The following PIK3C3 variants were observed in gnomAD, a reference collection of about 807,000 sequenced individuals.
The protein encoded by PIK3C3 is PI3-kinase type 3.
Under a neutral mutation model 126.1 loss-of-function variants are expected in PIK3C3, and 95 were observed. The ratio of observed to expected loss-of-function variants is 0.75; its 90% CI spans 0.64 to 0.89. The LOEUF is 0.89. Ranked by LOEUF, PIK3C3 falls within the 40% of genes least tolerant of loss-of-function variation. The pLI is 0.00. For missense variants in PIK3C3, 829 were observed against 1,063.2 expected (o/e 0.78, Z 3.06); for synonymous variants, 374 against 360.0 (o/e 1.04, Z -0.44).
In PIK3C3 at chr18:41,955,269, G is replaced by GT; in HGVS notation, c.-22dup. On this transcript the variant is annotated 5_prime_UTR_variant, in exon 1 of 25. Coordinates refer to ENST00000262039, the MANE Select transcript of PIK3C3 (RefSeq NM_002647.4). ...TCCTGTACCTAAGTTCCCGCTGTAGGTGGTACCTTTGCAGACGGTGCGATG... is the reference window on the plus strand; with the variant it reads ...TCCTGTACCTAAGTTCCCGCTGTAGGTTGGTACCTTTGCAGACGGTGCGATG... 1 of 1,605,970 alleles carries GT rather than the reference G, an allele frequency of 6.2e-7. No homozygotes were observed. Among genetic ancestry groups the GT allele is most frequent in the Non-Finnish European group, 8.5e-7 (1 of 1,174,016 alleles).
At chr18:42,071,391 C>T (rs1431727069) in intron 24 of PIK3C3, among the ~76,000 whole-genome samples, 1 of 152,060 alleles carries the variant, frequency 6.6e-6, no homozygotes, top group Admixed American at 6.6e-5. Flanking sequence ...TTAGTGTTAT[C>T]CCTATTTTAT....
At chr18:42,031,819 G>T (rs1983842812) in intron 15 of PIK3C3, among the ~76,000 whole-genome samples, 1 of 152,132 alleles carries the variant, frequency 6.6e-6, no homozygotes. Flanking sequence ...ACTCATTTAT[G>T]TGTTCTACAA....
intron 4 of PIK3C3, among the ~76,000 whole-genome samples, chr18:41,981,866 C>T (rs2144334804): frequency 6.6e-6 from 1 of 150,494 alleles, no homozygotes; most frequent in East Asian, 2.0e-4. Context: ...ATCCCAGCTA[C>T]TCGGGAGGCT....
At chr18:42,049,639 G>A (rs1598932205) in intron 21 of PIK3C3, 34 bp downstream of exon 21, 1 of 1,459,124 alleles carries the variant, frequency 6.9e-7, no homozygotes, top group Non-Finnish European at 9.6e-7. Flanking sequence ...GACATACATT[G>A]TATATGCCCA....
At chr18:42,006,982 G>A (rs1056659480) in intron 10 of PIK3C3, among the ~76,000 whole-genome samples, 2 of 149,052 alleles carry the variant, frequency 1.3e-5, no homozygotes, top group African/African-American at 4.9e-5. Context: ...TACGGCCTCA[G>A]CCTCCCAAGT....
chr18:42,011,821 T>G (rs1003315448), intron 10 of PIK3C3, among the ~76,000 whole-genome samples: 1 of 152,202 alleles, frequency 6.6e-6, no homozygotes, highest in African/African-American at 2.4e-5. Flanking sequence ...ACACTTATTG[T>G]GCACTGTAGG....
At position 42,081,926 on chromosome 18, in the gene PIK3C3, T is replaced by C. The variant is rs1986265694; in HGVS notation, c.*789T>C. On this transcript the variant is annotated 3_prime_UTR_variant, in exon 25 of 25. Transcript: ENST00000262039. ...ATGTAAATTGTCTTTCTGCAATAAA[T>C]TTTTTGGATGCAAATTTAGATTTCA... The C allele has an allele frequency of 6.6e-6, 1 of 152,172 alleles. No individual in the cohort carries two copies. The highest frequency in any genetic ancestry group is 1.5e-5 in the Non-Finnish European group (1 of 68,008). The allele number at this position is 152,172 out of a possible 1,614,324, so 9.4% of individuals were successfully genotyped here. A position where few individuals can be genotyped will look rare whatever the true frequency, so the allele number is the denominator to read the frequency against.
chr18:42,005,269 G>A (rs1003229598), intron 10 of PIK3C3, among the ~76,000 whole-genome samples: 18 of 152,162 alleles, frequency 1.2e-4, no homozygotes, highest in African/African-American at 3.9e-4. Context: ...TGTATAGCAT[G>A]TTGTTGTACT....
In PIK3C3 at chr18:42,038,799, C is replaced by G; in HGVS notation, c.1987C>G (p.Leu663Val). Residue 663 changes from leucine to valine, a missense_variant, in exon 18 of 25, where the codon CTG (leucine) becomes GTG (valine). Around this residue, in one of 4 missense-constraint regions of PIK3C3, gnomAD observed 196 missense variants for 312.8 expected, o/e 0.63. Coordinates refer to ENST00000262039, the MANE Select transcript of PIK3C3 (RefSeq NM_002647.4). The part of the protein sequence containing the change: ...LMDKLLRKEN[L>V]DLKLTPYKVL... ...TTAAAAGCTGTTACGGAAAGAAAAT[C>G]TGGACTTGAAATTGACACCTTATAA... 6.2e-7 allele frequency: 1 copy of G among 1,605,356 alleles called. No individual in the cohort carries two copies. Among genetic ancestry groups the G allele is most frequent in the Non-Finnish European group, 8.5e-7 (1 of 1,172,720 alleles).
intron 13 of PIK3C3, among the ~76,000 whole-genome samples, chr18:42,022,401 T>A (rs1268394390): frequency 2.0e-5 from 3 of 152,182 alleles, no homozygotes; most frequent in Non-Finnish European, 4.4e-5. Flanking sequence ...TTTTCTGTCC[T>A]TGCGACAGTT....
intron 10 of PIK3C3, among the ~76,000 whole-genome samples, chr18:42,008,476 T>C (rs994037342): frequency 6.6e-6 from 1 of 152,178 alleles, no homozygotes; most frequent in African/African-American, 2.4e-5. Context: ...CCCATGTCTC[T>C]AACTGAAAAT....
At chr18:42,072,937 T>A (rs753348068) in intron 24 of PIK3C3, among the ~76,000 whole-genome samples, 2 of 152,182 alleles carry the variant, frequency 1.3e-5, no homozygotes, top group Non-Finnish European at 2.9e-5. Context: ...CTTTCACTGG[T>A]GATCTCTTAC....
rs187592042 is a variant in PIK3C3 at position 41,987,791 on chromosome 18, G to A, written c.532-21G>A. 543 of 1,567,998 alleles carry A rather than the reference G, an allele frequency of 3.5e-4. No individual in the cohort carries two copies. In the Admixed American group the frequency reaches 8.0e-3, roughly 23 times the overall value. ...CTACTAGATGTATATTAAAATTTTC[G>A]TCATTGTATTTATTCTGCAGCTCAC... On this transcript the variant is annotated intron_variant, in intron 4 of 24. Transcript: ENST00000262039.
At chr18:42,014,425 G>A (rs897216218) in intron 11 of PIK3C3, among the ~76,000 whole-genome samples, 3 of 152,044 alleles carry the variant, frequency 2.0e-5, no homozygotes, top group Admixed American at 6.6e-5. Flanking sequence ...ACTGTACCAC[G>A]TGTCCACACA....
rs148797689 is a variant in PIK3C3, at chr18:41,991,535, G to A, written c.714+981G>A. Among the ~76,000 whole-genome samples the A allele has an allele frequency of 2.7e-3, 415 of 152,186 alleles. 1 individual carries two copies. Among genetic ancestry groups the A allele is most frequent in the African/African-American group, 9.3e-3 (388 of 41,540 alleles). On this transcript the variant is annotated intron_variant, in intron 6 of 24. Transcript: ENST00000262039. ...GCATATGACCAAGCTGATATGCAGT[G>A]TATTTGTTCATTAGAAGCAGTCCTT...
At position 41,990,450 on chromosome 18, in the gene PIK3C3, T is replaced by C; in HGVS notation, c.619-9T>C. On this transcript the variant is annotated splice_polypyrimidine_tract_variant and intron_variant, in intron 5 of 24. Transcript: ENST00000262039. ...AATCATTTTTCATGAAAATCATTTT[T>C]TTTTTCAGAGTGAAAAACGAAGTTC... The C allele has an allele frequency of 6.8e-7, 1 of 1,466,696 alleles. No individual in the cohort carries two copies. The highest frequency in any genetic ancestry group is 1.4e-5 in the African/African-American group (1 of 71,950). 90.9% of individuals were successfully genotyped at this position (1,466,696 alleles called of 1,614,324 possible).
intron 2 of PIK3C3, among the ~76,000 whole-genome samples, chr18:41,959,273 A>G (rs1979954144): frequency 6.6e-6 from 1 of 152,184 alleles, no homozygotes; most frequent in African/African-American, 2.4e-5. Flanking sequence ...ACAAAAGCAA[A>G]TTCTCAATTA....
intron 24 of PIK3C3, among the ~76,000 whole-genome samples, chr18:42,071,238 T>A (rs1051840998): frequency 2.6e-5 from 4 of 152,232 alleles, no homozygotes; most frequent in African/African-American, 7.2e-5. Context: ...ATGAACTTTT[T>A]AAATATCATT....
At chr18:41,964,342 A>G (rs1006392951) in intron 3 of PIK3C3, among the ~76,000 whole-genome samples, 2 of 152,148 alleles carry the variant, frequency 1.3e-5, no homozygotes, top group African/African-American at 4.8e-5. Context: ...CAAGTTGTAG[A>G]TTATCTGGCT....
Sources: allele counts gnomAD v4.1 joint callset (sites outside exome capture counted in the v4.1 genomes callset), GRCh38; gene constraint gnomAD v4.1.1; regional missense constraint gnomAD v4.1.1; transcripts MANE v1.5; gene names NCBI Gene and HGNC (gene_info 2026-07-23, HGNC 2026-07-21).